Variants in BRDT observed in about 807,000 individuals in gnomAD.
BRDT encodes bromodomain testis-specific protein.
Under a neutral mutation model 113.9 loss-of-function variants are expected in BRDT, and 77 were observed. The ratio of observed to expected loss-of-function variants is 0.68; its 90% confidence interval spans 0.56 to 0.82. The LOEUF is 0.82. Ranked by LOEUF, BRDT falls within the 40% of genes least tolerant of loss-of-function variation. The probability of loss-of-function intolerance (pLI) is 0.00; values close to 1 mark genes in which losing one functional copy is unlikely to be tolerated. For missense variants in BRDT, 1,027 were observed against 1,105.4 expected (o/e 0.93, Z 1.01); for synonymous variants, 358 against 366.5 (o/e 0.98, Z 0.26).
At chr1:91,987,530 G>T (rs986702512) in intron 12 of BRDT, among the ~76,000 whole-genome samples, 51 of 151,898 alleles carry the variant, frequency 3.4e-4, no homozygotes, top group African/African-American at 1.2e-3. Flanking sequence ...TAGAGACGGG[G>T]TTTCGCCATA....
In BRDT at chr1:91,980,917, A is replaced by G; in HGVS notation, c.1489A>G (p.Ile497Val). Residue 497 changes from isoleucine (I) to valine (V), a missense_variant, in exon 10 of 19, where the codon ATT (isoleucine) becomes GTT (valine). Coordinates refer to ENST00000399546, the MANE Select transcript of BRDT (RefSeq NM_207189.4). ...GCCAAAGAAAAGGAAACAACAGTTC[A>G]TTGGTCTAAAATCTGAAGATGAAGA... is the stretch of plus-strand genomic sequence containing the variant. ...NQPKKRKQQF[I>V]GLKSEDEDNA... The G allele has an allele frequency of 1.9e-6, 3 of 1,610,520 alleles. No individual in the cohort carries two copies. Among genetic ancestry groups the G allele is most frequent in the Non-Finnish European group, 2.5e-6 (3 of 1,179,146 alleles).
At chr1:92,000,848 A>C (rs1385236740) in intron 15 of BRDT, among the ~76,000 whole-genome samples, 1 of 152,242 alleles carries the variant, frequency 6.6e-6, no homozygotes, top group Non-Finnish European at 1.5e-5. Context: ...ATACATAAGC[A>C]ATAGTCCAAA....
chr1:92,006,447 T>TTTTGTTTG (rs371990391), intron 18 of BRDT, among the ~76,000 whole-genome samples: 5 of 151,898 alleles, frequency 3.3e-5, no homozygotes, highest in African/African-American at 4.8e-5. Flanking sequence ...GGGAGCTTGC[T>TTTTGTTTG]TTTGTTTGTT....
At chr1:91,996,166 C>T (rs1342842856) in intron 15 of BRDT, among the ~76,000 whole-genome samples, 1 of 152,108 alleles carries the variant, frequency 6.6e-6, no homozygotes, top group East Asian at 1.9e-4. Context: ...TTGTATACAA[C>T]AAATTATATA....
At position 92,004,506 on chromosome 1, in the gene BRDT, C is replaced by T. The variant is rs1348118801; in HGVS notation, c.2481C>T (p.Asn827=). 1 of 1,613,292 alleles carries T rather than the reference C, an allele frequency of 6.2e-7. No homozygotes were observed. The highest frequency in any genetic ancestry group is 8.5e-7 in the Non-Finnish European group (1 of 1,179,634). ...GVMKSSDELF[N]QFRKAAIEKE... ...TGAAATCCTCAGATGAGCTCTTCAACCAATTTAGAAAAGCAGCCATAGAAA... is the reference window on the plus strand; with the variant it reads ...TGAAATCCTCAGATGAGCTCTTCAATCAATTTAGAAAAGCAGCCATAGAAA... The change falls in exon 17 of 19, where the codon AAC becomes AAT. Residue 827 remains asparagine, a synonymous_variant. Transcript: ENST00000399546.
intron 3 of BRDT, among the ~76,000 whole-genome samples, chr1:91,966,014 A>G (rs989630675): frequency 6.6e-6 from 1 of 152,082 alleles, no homozygotes; most frequent in African/African-American, 2.4e-5. Flanking sequence ...TGATATATGT[A>G]GAAATTTTAT....
chr1:91,953,344 C>T (rs1210172100), intron 1 of BRDT, among the ~76,000 whole-genome samples: 2 of 152,118 alleles, frequency 1.3e-5, no homozygotes, highest in African/African-American at 2.4e-5. Flanking sequence ...TAGGGCAACA[C>T]AATTTAATAA....
At chr1:91,987,509 A>G (rs955298032) in intron 12 of BRDT, among the ~76,000 whole-genome samples, 1 of 148,854 alleles carries the variant, frequency 6.7e-6, no homozygotes, top group Admixed American at 6.7e-5. Context: ...AATTTTTTTG[A>G]TATTTTTTAG....
At chr1:91,966,281 C>A (rs1018462927) in intron 3 of BRDT, among the ~76,000 whole-genome samples, 1 of 152,132 alleles carries the variant, frequency 6.6e-6, no homozygotes, top group Non-Finnish European at 1.5e-5. Flanking sequence ...TTTGTGATTT[C>A]GTTTATTCAA....
At chr1:91,988,693 G>A (rs1233987576) in intron 12 of BRDT, among the ~76,000 whole-genome samples, 3 of 152,078 alleles carry the variant, frequency 2.0e-5, no homozygotes, top group South Asian at 2.1e-4. Context: ...GAGCTACCAC[G>A]CCCGGCCTTG....
intron 15 of BRDT, among the ~76,000 whole-genome samples, chr1:91,994,945 A>T (rs572193277): frequency 5.2e-4 from 79 of 151,908 alleles, no homozygotes; most frequent in Non-Finnish European, 6.3e-4. Flanking sequence ...GAAGTTACAG[A>T]TATATAAAAT....
rs144281556 is a variant in BRDT at position 91,951,045 on chromosome 1, GT to G, written c.-38+1364del. ...CGTCTCAAAAAAAAAAAAAGAGATG[GT>G]CCTGCTGTGTTGCCCAGGTTGGAGT... is the stretch of plus-strand genomic sequence containing the variant. On this transcript the variant is annotated intron_variant, in intron 1 of 18. Transcript: ENST00000399546. Among the ~76,000 whole-genome samples, 626 of 150,158 alleles carry G rather than the reference GT, an allele frequency of 4.2e-3. 8 individuals carry two copies. Among genetic ancestry groups the G allele is most frequent in the African/African-American group, 0.014 (590 of 41,154 alleles).
At chr1:91,997,534 G>A (rs141129377) in intron 15 of BRDT, among the ~76,000 whole-genome samples, 138 of 152,286 alleles carry the variant, frequency 9.1e-4, no homozygotes, top group African/African-American at 3.2e-3. Context: ...CCTTGCCCTT[G>A]AAAAGGAATA....
chr1:91,968,327 T>C, intron 4 of BRDT, 67 bp downstream of exon 4: 1 of 1,557,918 alleles, frequency 6.4e-7, no homozygotes. Context: ...CATGTGTGTG[T>C]GTAAATCCCT....
intron 3 of BRDT, 114 bp downstream of exon 3, chr1:91,964,878 C>CGTGTGTGT (rs59328937): frequency 8.7e-6 from 3 of 343,702 alleles, no homozygotes; most frequent in East Asian, 8.9e-5. Flanking sequence ...AGATACTTGA[C>CGTGTGTGT]GTGTGTGTGT....
intron 4 of BRDT, among the ~76,000 whole-genome samples, chr1:91,969,423 G>A (rs930715720): frequency 1.3e-5 from 2 of 150,792 alleles, no homozygotes; most frequent in African/African-American, 4.9e-5. Flanking sequence ...AACTTATAGT[G>A]CTTTAACCAA....
chr1:91,964,910 A>ATT lies in BRDT; in HGVS notation c.330+162_330+163dup, dbSNP rs1302641462. 463 of 234,172 alleles carry ATT rather than the reference A, an allele frequency of 2.0e-3. 1 individual carries two copies. The highest frequency in any genetic ancestry group is 2.4e-3 in the Non-Finnish European group (339 of 138,876). The allele number at this position is 234,172 out of a possible 1,614,324, so 14.5% of individuals were successfully genotyped here. A position where few individuals can be genotyped will look rare whatever the true frequency, so the allele number is the denominator to read the frequency against. On this transcript the variant is annotated intron_variant, in intron 3 of 18. Coordinates refer to ENST00000399546, the MANE Select transcript of BRDT (RefSeq NM_207189.4). ...GTGTGTGTGTGTGTGTGTGTATATA[A>ATT]TTTTTTTTTTTTTTTTTGAGATGGA...
chr1:91,976,809 G>C (rs1445644853), intron 5 of BRDT, among the ~76,000 whole-genome samples: 1 of 152,042 alleles, frequency 6.6e-6, no homozygotes, highest in Non-Finnish European at 1.5e-5. Context: ...CTTAAGGTTT[G>C]CACAAGACAT....
intron 12 of BRDT, among the ~76,000 whole-genome samples, chr1:91,987,628 G>T (rs1294722945): frequency 1.3e-5 from 2 of 152,026 alleles, no homozygotes; most frequent in Middle Eastern, 3.2e-3. Flanking sequence ...TTACAGGCGT[G>T]AGCCACTGCG....
Sources: gnomAD v4.1 joint callset for allele counts (sites outside exome capture counted in the v4.1 genomes callset) on GRCh38, gnomAD v4.1.1 for gene constraint, MANE v1.5 for transcripts, NCBI Gene and HGNC (gene_info 2026-07-23, HGNC 2026-07-21) for gene names.